Variants in EXT1 observed in about 807,000 individuals in gnomAD.
EXT1 encodes exostosin glycosyltransferase 1.
Under a neutral mutation model 82.5 loss-of-function variants are expected in EXT1, and 20 were observed. The observed-to-expected ratio is 0.24, with a 90% CI of 0.17 to 0.35. The LOEUF is 0.35. Ranked by LOEUF, EXT1 falls within the 10% of genes least tolerant of loss-of-function variation. EXT1 has a pLI of 1.00. For synonymous variants in EXT1, 348 were observed against 350.8 expected (o/e 0.99, Z 0.09); for missense variants, 757 against 936.5 (o/e 0.81, Z 2.50).
At chr8:117,915,843 G>A (rs1469925972) in intron 1 of EXT1, among the ~76,000 whole-genome samples, 3 of 133,902 alleles carry the variant, frequency 2.2e-5, no homozygotes, top group African/African-American at 5.1e-5. Flanking sequence ...GTGACAGAGC[G>A]AGACTCTGTC....
intron 1 of EXT1, among the ~76,000 whole-genome samples, chr8:118,008,994 C>A (rs1359298462): frequency 6.6e-6 from 1 of 152,102 alleles, no homozygotes; most frequent in Non-Finnish European, 1.5e-5. Context: ...GCATTCCAAG[C>A]AGTAGAACTG....
At chr8:117,933,447 T>C (rs1814100311) in intron 1 of EXT1, among the ~76,000 whole-genome samples, 1 of 152,144 alleles carries the variant, frequency 6.6e-6, no homozygotes, top group Admixed American at 6.5e-5. Flanking sequence ...GGTTTCACCA[T>C]GTTAGGCAGG....
chr8:117,960,126 G>T (rs376227587), intron 1 of EXT1, among the ~76,000 whole-genome samples: 2 of 152,080 alleles, frequency 1.3e-5, no homozygotes, highest in African/African-American at 4.8e-5. Context: ...CAGGAGAATC[G>T]CTTGAACCTG....
chr8:117,815,359 T>A (rs954544923), intron 7 of EXT1, among the ~76,000 whole-genome samples: 4 of 152,202 alleles, frequency 2.6e-5, no homozygotes, highest in Non-Finnish European at 5.9e-5. Flanking sequence ...TTCTTCCTCA[T>A]CATCTGCCCA....
At chr8:117,931,465 G>A (rs753742138) in intron 1 of EXT1, among the ~76,000 whole-genome samples, 15 of 151,924 alleles carry the variant, frequency 9.9e-5, no homozygotes, top group Non-Finnish European at 1.5e-4. Context: ...GGGCGGGGGT[G>A]TGGGAGGTCT....
At chr8:117,808,522 A>G (rs1823269028) in intron 8 of EXT1, among the ~76,000 whole-genome samples, 1 of 152,240 alleles carries the variant, frequency 6.6e-6, no homozygotes, top group African/African-American at 2.4e-5. Flanking sequence ...CTCCAGTGTT[A>G]AAAGCAATTT....
intron 1 of EXT1, among the ~76,000 whole-genome samples, chr8:117,995,808 C>T (rs17476247): frequency 6.6e-6 from 1 of 152,114 alleles, no homozygotes; most frequent in East Asian, 1.9e-4. Context: ...CCTATACATG[C>T]CTTCCCAACC....
chr8:117,946,175 A>G (rs1814384232), intron 1 of EXT1, among the ~76,000 whole-genome samples: 1 of 152,218 alleles, frequency 6.6e-6, no homozygotes, highest in African/African-American at 2.4e-5. Flanking sequence ...CTGGGATTAC[A>G]GGTGTGAGCT....
intron 1 of EXT1, among the ~76,000 whole-genome samples, chr8:118,014,578 A>G (rs1306415110): frequency 1.3e-5 from 2 of 152,174 alleles, no homozygotes; most frequent in Non-Finnish European, 2.9e-5. Context: ...GGACCCAGAA[A>G]GCATCCTTCT....
At chr8:117,992,954 C>A (rs1815466013) in intron 1 of EXT1, among the ~76,000 whole-genome samples, 1 of 152,220 alleles carries the variant, frequency 6.6e-6, no homozygotes, top group African/African-American at 2.4e-5. Flanking sequence ...TCACAGACAG[C>A]ATCTTAGCTG....
At chr8:117,934,283 T>G (rs1039311886) in intron 1 of EXT1, among the ~76,000 whole-genome samples, 8 of 152,144 alleles carry the variant, frequency 5.3e-5, no homozygotes, top group Non-Finnish European at 1.2e-4. Flanking sequence ...TGTTTCTTGC[T>G]TTCAGGAACA....
At chr8:117,829,748 T>C (rs777959733) in intron 4 of EXT1, among the ~76,000 whole-genome samples, 31 of 151,934 alleles carry the variant, frequency 2.0e-4, no homozygotes, top group Non-Finnish European at 3.5e-4. Context: ...TAATTTTTTG[T>C]ATTTTTAGTA....
At chr8:117,963,885 ATG>A (rs1410939535) in intron 1 of EXT1, among the ~76,000 whole-genome samples, 2 of 152,274 alleles carry the variant, frequency 1.3e-5, no homozygotes, top group East Asian at 1.9e-4. Context: ...CAAGAGGATG[ATG>A]TGTGTGTTTG....
chr8:117,936,840 A>T (rs912105351), intron 1 of EXT1, among the ~76,000 whole-genome samples: 5 of 152,188 alleles, frequency 3.3e-5, no homozygotes, highest in African/African-American at 1.2e-4. Context: ...ATGCCACTGC[A>T]CTCCAGCCTG....
chr8:117,860,206 T>C (rs973575326), intron 1 of EXT1, among the ~76,000 whole-genome samples: 4 of 141,298 alleles, frequency 2.8e-5, no homozygotes, highest in African/African-American at 1.1e-4. Flanking sequence ...TGTAGCAACA[T>C]GGGTGGAACT....
intron 1 of EXT1, among the ~76,000 whole-genome samples, chr8:118,004,917 AG>A (rs1815743708): frequency 6.6e-6 from 1 of 152,222 alleles, no homozygotes; most frequent in Non-Finnish European, 1.5e-5. Context: ...TGAGAGCTGC[AG>A]CCACTTTCTA....
chr8:117,816,739 G>T (rs1290320619), intron 7 of EXT1, among the ~76,000 whole-genome samples: 1 of 152,196 alleles, frequency 6.6e-6, no homozygotes, highest in African/African-American at 2.4e-5. Context: ...CAATCAGTGA[G>T]TCAGAGCATG....
intron 1 of EXT1, among the ~76,000 whole-genome samples, chr8:117,991,413 G>T (rs961994394): frequency 1.2e-4 from 18 of 152,118 alleles, no homozygotes; most frequent in African/African-American, 3.9e-4. Flanking sequence ...TGTACATAAG[G>T]TGGTTCTCGT....
At chr8:118,075,245 C>G (rs1674507133) in intron 1 of EXT1, among the ~76,000 whole-genome samples, 1 of 152,190 alleles carries the variant, frequency 6.6e-6, no homozygotes, top group African/African-American at 2.4e-5. Flanking sequence ...TGGAGTCTGA[C>G]AAGGGACAGT....
Sources: allele counts gnomAD v4.1 joint callset (sites outside exome capture counted in the v4.1 genomes callset), GRCh38; gene constraint gnomAD v4.1.1; transcripts MANE v1.5; gene names NCBI Gene and HGNC (gene_info 2026-07-23, HGNC 2026-07-21).